Variants in DZIP1L observed in about 807,000 individuals in gnomAD.
DZIP1L encodes the protein DAZ interacting zinc finger protein 1 like.
A neutral mutation model predicts 88.7 loss-of-function variants in DZIP1L; 90 were observed. The observed-to-expected ratio is 1.02, with a 90% confidence interval of 0.86 to 1.21. The LOEUF is 1.21. DZIP1L is among the 50% of genes most tolerant of loss of function. The pLI, the probability that DZIP1L is intolerant of heterozygous loss-of-function variation, is 0.00. For synonymous variants in DZIP1L, 363 were observed against 372.1 expected (o/e 0.98, Z 0.28); for missense variants, 932 against 955.8 (o/e 0.98, Z 0.33).
chr3:138,113,659 C>T (rs1036380229), intron 1 of DZIP1L, among the ~76,000 whole-genome samples: 3 of 152,174 alleles, frequency 2.0e-5, no homozygotes, highest in Non-Finnish European at 2.9e-5. Flanking sequence ...TGGGAGCTCT[C>T]CTGAAGTACT....
chr3:138,109,931 G>A (rs536625315), intron 1 of DZIP1L, among the ~76,000 whole-genome samples: 11 of 152,224 alleles, frequency 7.2e-5, no homozygotes, highest in Admixed American at 4.6e-4. Context: ...GACACAGGGA[G>A]GGGAATATCA....
In DZIP1L at chr3:138,077,499, C is replaced by T. The variant is rs780967739; in HGVS notation, c.1422G>A (p.Lys474=). Residue 474 remains lysine (K), a splice_region_variant and synonymous_variant, in exon 11 of 16, where the codon AAG becomes AAA. Coordinates refer to ENST00000327532, the MANE Select transcript of DZIP1L (RefSeq NM_173543.3). ...EEKLESMGIR[K]DAKGISIQTL... ...TTAAAACGATGGCCCTGAAACTCAC[C>T]TTCCTTATCCCCATGCTTTCGAGCT... 1 of 1,614,074 alleles carries T rather than the reference C, an allele frequency of 6.2e-7. No homozygotes were observed. Among genetic ancestry groups the T allele is most frequent in the Non-Finnish European group, 8.5e-7 (1 of 1,179,976 alleles).
At chr3:138,092,791 G>A (rs1372308797) in intron 4 of DZIP1L, among the ~76,000 whole-genome samples, 1 of 152,166 alleles carries the variant, frequency 6.6e-6, no homozygotes, top group African/African-American at 2.4e-5. Context: ...TCCATAAGAA[G>A]CAACTACTGA....
chr3:138,093,137 A>G (rs1466138907), intron 4 of DZIP1L, among the ~76,000 whole-genome samples: 1 of 152,258 alleles, frequency 6.6e-6, no homozygotes, highest in East Asian at 1.9e-4. Context: ...CTTAAATAAT[A>G]AAACTTGGAA....
chr3:138,071,907 C>A (rs1440902135), intron 11 of DZIP1L, 72 bp from the exon 12 acceptor site: 3 of 1,392,170 alleles, frequency 2.2e-6, no homozygotes. Flanking sequence ...CCTCTCACAC[C>A]TGCTGCTGCT....
intron 2 of DZIP1L, chr3:138,101,913 T>G: frequency 1.4e-6 from 2 of 1,452,874 alleles, no homozygotes; most frequent in Non-Finnish European, 1.9e-6. Flanking sequence ...GCTCCCCACG[T>G]TGCTCGGCAT....
chr3:138,071,801 TG>T lies in DZIP1L; in HGVS notation c.1456del (p.His486ThrfsTer6). The T allele has an allele frequency of 3.1e-6, 5 of 1,614,036 alleles. No homozygotes were observed. The highest frequency in any genetic ancestry group is 4.2e-6 in the Non-Finnish European group (5 of 1,180,004). The stretch of plus-strand genomic sequence containing the variant: ...CTGGACTCTCAGCAGGGATTCCAGG[TG>T]TCTGAGAGTCTGAATCGAGATTCCC... ...AKGISIQTLR[H>X]LESLLRVQRE... On this transcript the variant is annotated frameshift_variant, in exon 12 of 16. Coordinates refer to ENST00000327532, the MANE Select transcript of DZIP1L (RefSeq NM_173543.3). LOFTEE classifies it high-confidence loss of function.
At chr3:138,088,564 TTTATAC>T in intron 5 of DZIP1L, 57 bp from the exon 6 acceptor site, 1 of 1,587,044 alleles carries the variant, frequency 6.3e-7, no homozygotes. Flanking sequence ...GATGTTGTCT[TTTATAC>T]CCAGAACAGT....
chr3:138,094,031 G>A (rs1035035484), intron 4 of DZIP1L, among the ~76,000 whole-genome samples: 26 of 152,260 alleles, frequency 1.7e-4, no homozygotes, highest in Admixed American at 1.1e-3. Context: ...CTCAGCTTTC[G>A]ACATGCCTTC....
rs754506132 is a variant in DZIP1L at position 138,077,601 on chromosome 3, C to T, written c.1320G>A (p.Lys440=). 1 of 1,614,176 alleles carries T rather than the reference C, an allele frequency of 6.2e-7. No homozygotes were observed. The highest frequency in any genetic ancestry group is 8.5e-7 in the Non-Finnish European group (1 of 1,180,030). ...EMEDSQDEQH[K]VLAALRRNPT... Reference sequence around the variant, plus strand: ...GGTTACGCCTCAGAGCTGCCAGCACCTTGTGCTGTTCATCCTGGGAGTCCT... The same window carrying T: ...GGTTACGCCTCAGAGCTGCCAGCACTTTGTGCTGTTCATCCTGGGAGTCCT... The change falls in exon 11 of 16, where the codon AAG becomes AAA. Residue 440 remains lysine, a synonymous_variant. Transcript: ENST00000327532.
At chr3:138,075,416 T>A (rs1322004265) in intron 11 of DZIP1L, among the ~76,000 whole-genome samples, 4 of 152,112 alleles carry the variant, frequency 2.6e-5, no homozygotes, top group Admixed American at 2.6e-4. Flanking sequence ...ACAAAACAAG[T>A]CTCAGTAAAC....
At chr3:138,064,824 A>T (rs1942826321) in intron 14 of DZIP1L, 57 bp from the exon 15 acceptor site, 1 of 1,527,958 alleles carries the variant, frequency 6.5e-7, no homozygotes, top group South Asian at 1.3e-5. Flanking sequence ...TGAACATCTC[A>T]GTTTTGTGGC....
chr3:138,098,147 C>A, intron 2 of DZIP1L, among the ~76,000 whole-genome samples: 1 of 152,102 alleles, frequency 6.6e-6, no homozygotes, highest in South Asian at 2.1e-4. Context: ...AAGTCAGAGT[C>A]TTTCTCTTTT....
chr3:138,077,720 T>A, intron 10 of DZIP1L, 88 bp from the exon 11 acceptor site: 5 of 1,555,576 alleles, frequency 3.2e-6, no homozygotes, highest in Non-Finnish European at 4.4e-6. Flanking sequence ...GCCCTCACAC[T>A]GCCAGGAATC....
chr3:138,108,029 G>A (rs979749611), intron 1 of DZIP1L, among the ~76,000 whole-genome samples: 3 of 152,186 alleles, frequency 2.0e-5, no homozygotes, highest in Non-Finnish European at 2.9e-5. Context: ...GCCATGTTAT[G>A]AAACAGTGCA....
At position 138,064,691 on chromosome 3, in the gene DZIP1L, G is replaced by C; in HGVS notation, c.2079C>G (p.Val693=). ...EAPAKKPAGG[V]SLFFMPNAGP... is the part of the protein sequence containing the mutation. ...CAGCATTGGGCATAAAAAACAGACT[G>C]ACCCCTCCAGCAGGCTTCTTTGCTG... The change falls in exon 15 of 16, where the codon GTC becomes GTG. Residue 693 remains valine (V), a synonymous_variant. Coordinates refer to ENST00000327532, the MANE Select transcript of DZIP1L (RefSeq NM_173543.3). 1 of 1,613,958 alleles carries C rather than the reference G, an allele frequency of 6.2e-7. No homozygotes were observed.
intron 6 of DZIP1L, among the ~76,000 whole-genome samples, chr3:138,087,291 T>A (rs1470808858): frequency 6.6e-6 from 1 of 152,098 alleles, no homozygotes; most frequent in African/African-American, 2.4e-5. Flanking sequence ...GCAAAATAAA[T>A]TGTAGGTGGG....
At chr3:138,064,305 G>T (rs570344599) in intron 15 of DZIP1L, 1 of 1,179,470 alleles carries the variant, frequency 8.5e-7, no homozygotes, top group Non-Finnish European at 1.1e-6. Context: ...ATGAGACCGG[G>T]CTGGAAGAGC....
chr3:138,107,635 T>C (rs1459777057), intron 1 of DZIP1L, among the ~76,000 whole-genome samples: 4 of 152,242 alleles, frequency 2.6e-5, no homozygotes, highest in Non-Finnish European at 5.9e-5. Context: ...CATTGATTCT[T>C]GGGGCTATTC....
Sources: allele counts gnomAD v4.1 joint callset (sites outside exome capture counted in the v4.1 genomes callset), GRCh38; gene constraint gnomAD v4.1.1; transcripts MANE v1.5; gene names NCBI Gene and HGNC (gene_info 2026-07-23, HGNC 2026-07-21).